The following SLC2A9 variants were observed in gnomAD, a reference collection of about 807,000 sequenced individuals.
The protein encoded by SLC2A9 is solute carrier family 2 member 9.
In SLC2A9, 39 loss-of-function variants were observed where a neutral mutation model predicts 50.6. That is an observed-to-expected ratio of 0.77 (90% CI 0.60 to 1.01). The LOEUF is 1.01. Ranked by LOEUF, SLC2A9 falls within the 50% of genes least tolerant of loss-of-function variation. The pLI is 0.00. For missense variants in SLC2A9, 686 were observed against 677.6 expected (o/e 1.01, Z -0.14); for synonymous variants, 324 against 276.9 (o/e 1.17, Z -1.69).
At chr4:9,795,506 T>G (rs911978838), downstream of SLC2A9, among the ~76,000 whole-genome samples, 4 of 152,184 alleles carry the variant, frequency 2.6e-5, no homozygotes, top group Non-Finnish European at 4.4e-5. Flanking sequence ...TCCCTCTATT[T>G]TGAGTCACTC....
At chr4:9,946,363 T>C (rs1578022836) in intron 5 of SLC2A9, among the ~76,000 whole-genome samples, 1 of 152,348 alleles carries the variant, frequency 6.6e-6, no homozygotes, top group African/African-American at 2.4e-5. Flanking sequence ...TGGACTATGA[T>C]GAATCAGCAA....
At chr4:9,881,826 C>A (rs1475680482) in intron 10 of SLC2A9, among the ~76,000 whole-genome samples, 3 of 152,200 alleles carry the variant, frequency 2.0e-5, no homozygotes, top group Non-Finnish European at 2.9e-5. Context: ...TCTTTACGGT[C>A]TTTTCCAAAC....
chr4:9,975,786 G>A (rs1049932984), intron 5 of SLC2A9, among the ~76,000 whole-genome samples: 4 of 152,128 alleles, frequency 2.6e-5, no homozygotes, highest in Admixed American at 6.5e-5. Flanking sequence ...ACCAAAAAGA[G>A]TGATGCACTC....
At chr4:10,006,689 C>A (rs549872314) in intron 2 of SLC2A9, 5 of 152,272 alleles carry the variant, frequency 3.3e-5, no homozygotes, top group South Asian at 2.1e-4. Context: ...AAGCCTGCTG[C>A]AGGGTAAGTC....
At chr4:9,775,852 C>T (rs1484496430), downstream of SLC2A9, among the ~76,000 whole-genome samples, 1 of 152,306 alleles carries the variant, frequency 6.6e-6, no homozygotes, top group Non-Finnish European at 1.5e-5. Context: ...TGGCCTAATA[C>T]ACCATCTTTG....
chr4:9,873,134 C>T (rs986469165), intron 10 of SLC2A9, among the ~76,000 whole-genome samples: 6 of 152,102 alleles, frequency 3.9e-5, no homozygotes, highest in African/African-American at 1.4e-4. Context: ...CCATATGTTC[C>T]CAGTGGGGAC....
intron 3 of SLC2A9, among the ~76,000 whole-genome samples, chr4:9,803,656 G>A (rs1337934275): frequency 6.6e-6 from 1 of 152,186 alleles, no homozygotes; most frequent in East Asian, 1.9e-4. Context: ...CTTACTGCAA[G>A]TATTTTCAGT....
chr4:9,853,765 T>G (rs1044395701), intron 10 of SLC2A9, among the ~76,000 whole-genome samples: 3 of 152,018 alleles, frequency 2.0e-5, no homozygotes, highest in African/African-American at 7.3e-5. Flanking sequence ...TTCAGCAAAT[T>G]GACAAAAAAA....
At chr4:9,817,330 T>C (rs1723745112) in intron 3 of SLC2A9, among the ~76,000 whole-genome samples, 1 of 152,206 alleles carries the variant, frequency 6.6e-6, no homozygotes, top group Admixed American at 6.5e-5. Context: ...ATACTACCCA[T>C]TCATTAACTC....
intron 6 of SLC2A9, among the ~76,000 whole-genome samples, chr4:9,939,207 T>C (rs1441697344): frequency 2.0e-5 from 3 of 152,172 alleles, no homozygotes; most frequent in Non-Finnish European, 4.4e-5. Flanking sequence ...AAGGCCAACC[T>C]AGGTCAGCCA....
chr4:9,969,355 G>A (rs1442361521), intron 5 of SLC2A9, among the ~76,000 whole-genome samples: 1 of 152,002 alleles, frequency 6.6e-6, no homozygotes, highest in Non-Finnish European at 1.5e-5. Flanking sequence ...CTGGTTATGG[G>A]GAACTTTTAT....
chr4:9,796,077 G>A (rs2108903403), downstream of SLC2A9, among the ~76,000 whole-genome samples: 1 of 152,306 alleles, frequency 6.6e-6, no homozygotes, highest in African/African-American at 2.4e-5. Context: ...CTGAGATTCA[G>A]ACCCATAAGT....
chr4:9,835,055 C>A, intron 10 of SLC2A9, 47 bp from the exon 11 acceptor site: 1 of 1,611,770 alleles, frequency 6.2e-7, no homozygotes, highest in South Asian at 1.1e-5. Flanking sequence ...CTGAGAAGGT[C>A]ATGCCTCCAG....
intron 5 of SLC2A9, among the ~76,000 whole-genome samples, chr4:9,968,103 GT>G (rs1340385136): frequency 6.6e-6 from 1 of 152,028 alleles, no homozygotes; most frequent in African/African-American, 2.4e-5. Context: ...ATTTTTAATT[GT>G]AAAAATTTTC....
intron 5 of SLC2A9, among the ~76,000 whole-genome samples, chr4:9,945,235 C>T (rs1322020339): frequency 6.6e-6 from 1 of 152,244 alleles, no homozygotes; most frequent in Non-Finnish European, 1.5e-5. Context: ...ACTCACTGTG[C>T]TGTGGGCAAG....
chr4:9,921,178 A>G (rs538727106), intron 6 of SLC2A9, among the ~76,000 whole-genome samples: 21 of 152,324 alleles, frequency 1.4e-4, no homozygotes, highest in Middle Eastern at 3.4e-3. Flanking sequence ...CCTCTGAAAT[A>G]CAAGAAAACT....
intron 6 of SLC2A9, among the ~76,000 whole-genome samples, chr4:9,939,399 A>G (rs1327696085): frequency 1.3e-5 from 2 of 152,224 alleles, no homozygotes; most frequent in Non-Finnish European, 2.9e-5. Context: ...GTAATAGTTG[A>G]CTAACACAGG....
intron 10 of SLC2A9, among the ~76,000 whole-genome samples, chr4:9,878,519 C>G (rs558406943): frequency 1.0e-3 from 157 of 152,204 alleles, no homozygotes; most frequent in African/African-American, 3.7e-3. Flanking sequence ...TGCTGGGAGG[C>G]TGGTGTATCC....
chr4:10,017,020 T>C (rs1303731302), intron 2 of SLC2A9, among the ~76,000 whole-genome samples: 1 of 152,168 alleles, frequency 6.6e-6, no homozygotes, highest in Non-Finnish European at 1.5e-5. Context: ...CAGCCAGGCC[T>C]CTGTGTGTGT....
Sources: allele counts gnomAD v4.1 joint callset (sites outside exome capture counted in the v4.1 genomes callset), GRCh38; gene constraint gnomAD v4.1.1; transcripts MANE v1.5; gene names NCBI Gene and HGNC (gene_info 2026-07-23, HGNC 2026-07-21).